Variants in ATP8A2 observed in about 807,000 individuals in gnomAD.
ATP8A2 encodes the protein ATPase phospholipid transporting 8A2, also known as phospholipid-transporting ATPase IB.
In ATP8A2, 100 loss-of-function variants were observed where a neutral mutation model predicts 165.6. That is an observed-to-expected ratio of 0.60 (90% CI 0.51 to 0.71). ATP8A2 has a LOEUF of 0.71. Ranked by LOEUF, ATP8A2 falls within the 30% of genes least tolerant of loss-of-function variation. ATP8A2 has a pLI of 0.00. For synonymous variants in ATP8A2, 543 were observed against 548.8 expected, an observed-to-expected ratio of 0.99 and a Z score of 0.15; for missense variants, 1,227 against 1,479.5, an observed-to-expected ratio of 0.83 and a Z score of 2.80.
At chr13:25,765,309 G>C (rs2044468654) in intron 25 of ATP8A2, among the ~76,000 whole-genome samples, 1 of 152,142 alleles carries the variant, frequency 6.6e-6, no homozygotes, top group Non-Finnish European at 1.5e-5. Flanking sequence ...ACCTAGCTTG[G>C]GTCAGCTGTG....
In ATP8A2 at chr13:25,953,547, G is replaced by C. The variant is rs73155947; in HGVS notation, c.3184-8028G>C. 2.6e-5 allele frequency among the ~76,000 whole-genome samples: 2 copies of C among 77,574 alleles called. No individual in the cohort carries two copies. The highest frequency in any genetic ancestry group is 2.6e-4 in the East Asian group (1 of 3,918). 50.9% of individuals were successfully genotyped at this position (77,574 alleles called of 152,430 possible). On this transcript the variant is annotated intron_variant, in intron 33 of 36. Coordinates refer to ENST00000381655, the MANE Select transcript of ATP8A2 (RefSeq NM_016529.6). This position sits in a 1 kb window ranked among gnomAD's most constrained non-coding sequence, Gnocchi z 6.7. ...TAAAAAAAAAAAAAAAAAAAAAAAA[G>C]CAAGGGAAATAGGCAAGACGGCCAA...
intron 27 of ATP8A2, among the ~76,000 whole-genome samples, chr13:25,818,580 T>C (rs1951085357): frequency 6.6e-6 from 1 of 152,208 alleles, no homozygotes; most frequent in African/African-American, 2.4e-5. Flanking sequence ...TTAAGATATT[T>C]AAATTAGATA....
chr13:25,541,853 A>T (rs1429120383), intron 8 of ATP8A2, 66 bp from the exon 9 acceptor site: 2 of 1,575,152 alleles, frequency 1.3e-6, no homozygotes, highest in East Asian at 2.2e-5. Context: ...AACCATAGGG[A>T]TGCTGAATGG....
chr13:25,428,294 T>A lies in ATP8A2; in HGVS notation c.77-40683T>A, dbSNP rs140728397. ...ATGAAGCATGCCTCAGTTTCCAATCTTTACTTCCTACAGAGTTCTGCACAC... is the reference window on the plus strand; with the variant it reads ...ATGAAGCATGCCTCAGTTTCCAATCATTACTTCCTACAGAGTTCTGCACAC... On this transcript the variant is annotated intron_variant, in intron 1 of 36. Coordinates refer to ENST00000381655, the MANE Select transcript of ATP8A2 (RefSeq NM_016529.6). 9.2e-5 allele frequency among the ~76,000 whole-genome samples: 14 copies of A among 152,328 alleles called. No homozygotes were observed. The East Asian group carries it at 2.7e-3, about 29-fold the overall frequency.
At chr13:25,537,021 T>C (rs534832672) in intron 6 of ATP8A2, among the ~76,000 whole-genome samples, 1 of 152,328 alleles carries the variant, frequency 6.6e-6, no homozygotes, top group African/African-American at 2.4e-5. Context: ...GGAGTTAGGC[T>C]TGCCTGATTT....
At chr13:25,700,169 G>A (rs898402389) in intron 25 of ATP8A2, among the ~76,000 whole-genome samples, 1 of 152,126 alleles carries the variant, frequency 6.6e-6, no homozygotes, top group Non-Finnish European at 1.5e-5. Flanking sequence ...GCAGCTGTGG[G>A]GGACCTGGTG....
intron 33 of ATP8A2, among the ~76,000 whole-genome samples, chr13:25,879,950 G>C (rs1409198928): frequency 1.3e-5 from 2 of 152,140 alleles, no homozygotes; most frequent in African/African-American, 2.4e-5. Flanking sequence ...ATTCAGTAAT[G>C]CACACAGACA....
At chr13:25,567,628 C>T (rs2039354204) in intron 16 of ATP8A2, among the ~76,000 whole-genome samples, 1 of 152,074 alleles carries the variant, frequency 6.6e-6, no homozygotes. Context: ...AGGAATTGAT[C>T]GATTGGTTTG....
At chr13:25,729,632 T>TTATTCCCCTG (rs1377643254) in intron 25 of ATP8A2, among the ~76,000 whole-genome samples, 1 of 152,152 alleles carries the variant, frequency 6.6e-6, no homozygotes, top group East Asian at 1.9e-4. Flanking sequence ...TGGCAAGGTG[T>TTATTCCCCTG]GCATGAAGTC....
intron 25 of ATP8A2, among the ~76,000 whole-genome samples, chr13:25,725,822 C>A (rs369779484): frequency 2.6e-5 from 4 of 152,142 alleles, no homozygotes; most frequent in African/African-American, 9.7e-5. Flanking sequence ...ATAAGGACCA[C>A]AAAAGATCAG....
At chr13:25,553,168 A>G (rs971200523) in intron 11 of ATP8A2, among the ~76,000 whole-genome samples, 11 of 151,540 alleles carry the variant, frequency 7.3e-5, no homozygotes, top group Admixed American at 5.9e-4. Flanking sequence ...TTTCCCTTTG[A>G]TACCCCCAGA....
intron 27 of ATP8A2, among the ~76,000 whole-genome samples, chr13:25,778,356 C>A (rs995138605): frequency 6.6e-6 from 1 of 152,018 alleles, no homozygotes; most frequent in Non-Finnish European, 1.5e-5. Context: ...TTGAGTGTGC[C>A]GCATAAAATT....
intron 24 of ATP8A2, 133 bp downstream of exon 24, chr13:25,589,832 A>G: frequency 1.8e-6 from 1 of 561,206 alleles, no homozygotes; most frequent in Non-Finnish European, 3.2e-6. Context: ...TTTTCTGTTT[A>G]TATTTATATT....
chr13:25,491,524 G>A (rs570280481), intron 2 of ATP8A2, among the ~76,000 whole-genome samples: 19 of 152,258 alleles, frequency 1.2e-4, no homozygotes, highest in Non-Finnish European at 2.5e-4. Context: ...CACCATGCCC[G>A]ACGCCTGAGT....
intron 33 of ATP8A2, among the ~76,000 whole-genome samples, chr13:25,920,775 T>C (rs1466373935): frequency 2.0e-5 from 3 of 152,232 alleles, no homozygotes; most frequent in African/African-American, 7.2e-5. Context: ...TTATTTATGA[T>C]CTGAGAAAAA....
chr13:26,017,451 T>G (rs1387355538), intron 36 of ATP8A2, among the ~76,000 whole-genome samples: 6 of 152,234 alleles, frequency 3.9e-5, no homozygotes, highest in African/African-American at 1.4e-4. Flanking sequence ...CCTCTTGGAC[T>G]GCAGTAAAAA....
intron 1 of ATP8A2, among the ~76,000 whole-genome samples, chr13:25,443,418 A>T (rs983734294): frequency 6.6e-6 from 1 of 152,218 alleles, no homozygotes. Flanking sequence ...ACTCTGTCTG[A>T]CAAAGTAAAA....
intron 33 of ATP8A2, among the ~76,000 whole-genome samples, chr13:25,864,862 G>A (rs1448334415): frequency 6.7e-6 from 1 of 149,306 alleles, no homozygotes; most frequent in African/African-American, 2.4e-5. Flanking sequence ...TCCAGGGCAG[G>A]GGGCTCCTGA....
intron 15 of ATP8A2, among the ~76,000 whole-genome samples, chr13:25,562,153 G>A (rs998839213): frequency 6.6e-6 from 1 of 152,062 alleles, no homozygotes; most frequent in African/African-American, 2.4e-5. Context: ...GGAATTACTG[G>A]GTCGTATGGT....
Sources: allele counts gnomAD v4.1 joint callset (sites outside exome capture counted in the v4.1 genomes callset), GRCh38; gene constraint gnomAD v4.1.1; non-coding constraint Gnocchi (gnomAD v3.1); transcripts MANE v1.5; gene names NCBI Gene and HGNC (gene_info 2026-07-23, HGNC 2026-07-21).